The following PRKCZ variants were observed in gnomAD, a reference collection of about 807,000 sequenced individuals.
The protein encoded by PRKCZ is protein kinase C zeta.
In PRKCZ, 33 loss-of-function variants were observed where a neutral mutation model predicts 79.5. That is an observed-to-expected ratio of 0.41 (90% CI 0.31 to 0.55). The LOEUF (loss-of-function observed/expected upper bound fraction) is 0.55, where lower values mean the gene tolerates loss of function less well. Ranked by LOEUF, PRKCZ falls within the 20% of genes least tolerant of loss-of-function variation. PRKCZ has a pLI of 0.19. For synonymous variants in PRKCZ, 342 were observed against 320.9 expected, an observed-to-expected ratio of 1.07 and a Z score of -0.70; for missense variants, 578 against 813.5, an observed-to-expected ratio of 0.71 and a Z score of 3.52.
intron 4 of PRKCZ, among the ~76,000 whole-genome samples, chr1:2,089,970 G>T (rs1031969797): frequency 6.6e-6 from 1 of 152,156 alleles, no homozygotes; most frequent in African/African-American, 2.4e-5. Context: ...CGGCAGGGCT[G>T]GTTCCCGGAG....
Position 2,173,954 on chromosome 1 carries a change from G to A in PRKCZ, c.1343G>A (p.Arg448His), listed in dbSNP as rs761837545. 1.2e-5 allele frequency: 20 copies of A among 1,612,380 alleles called. No individual in the cohort carries two copies. Among genetic ancestry groups the A allele is most frequent in the East Asian group, 4.5e-5 (2 of 44,744 alleles). The change falls in exon 14 of 18, where the codon CGC becomes CAC. Residue 448 changes from arginine to histidine, a missense_variant. Arg to His is a conservative substitution (Grantham distance 29). Transcript: ENST00000378567. The surrounding 1 kb of genome is among the most constrained non-coding windows in gnomAD (Gnocchi z 5.7). Reference sequence around the variant, plus strand: ...CTCATGTTTGAGATGATGGCCGGGCGCTCCCCGTTCGACATCATCACCGAC... The same window carrying A: ...CTCATGTTTGAGATGATGGCCGGGCACTCCCCGTTCGACATCATCACCGAC... Reference protein sequence around the residue: ...GVLMFEMMAGRSPFDIITDNP... With the variant: ...GVLMFEMMAGHSPFDIITDNP...
chr1:2,073,615 C>T (rs1661833845), intron 4 of PRKCZ: 6 of 988,846 alleles, frequency 6.1e-6, no homozygotes, highest in South Asian at 4.7e-5. Context: ...TTTCCTGTGA[C>T]GTCAGCGTCA....
In PRKCZ at chr1:2,177,751, A is replaced by G. The variant is rs1572028028; in HGVS notation, c.1575+2438A>G. ...GGCCCTGGCTTCCCACCTGGGTCCC[A>G]CCACTGCAGAATCACCCCCGTGGCT... is the stretch of plus-strand genomic sequence containing the variant. On this transcript the variant is annotated intron_variant, in intron 16 of 17. Coordinates refer to ENST00000378567, the MANE Select transcript of PRKCZ (RefSeq NM_002744.6). This position sits in a 1 kb window ranked among gnomAD's most constrained non-coding sequence, Gnocchi z 6.4. 6.6e-6 allele frequency among the ~76,000 whole-genome samples: 1 copy of G among 152,186 alleles called. No individual in the cohort carries two copies. Among genetic ancestry groups the G allele is most frequent in the South Asian group, 2.1e-4 (1 of 4,810 alleles).
chr1:2,157,148 G>A (rs551957789), intron 10 of PRKCZ, among the ~76,000 whole-genome samples: 1 of 152,238 alleles, frequency 6.6e-6, no homozygotes, highest in South Asian at 2.1e-4. Context: ...GGTAGTCAGG[G>A]AAACGCAGCC....
rs1674409491 is a variant in PRKCZ, at chr1:2,128,740, C to T, written c.335-6522C>T. On this transcript the variant is annotated intron_variant, in intron 4 of 17. Coordinates refer to ENST00000378567, the MANE Select transcript of PRKCZ (RefSeq NM_002744.6). This position sits in a 1 kb window ranked among gnomAD's most constrained non-coding sequence, Gnocchi z 6.5. ...CCAAAGCCTGACCCGTGTGGCTGCA[C>T]CGTCCACTGTGCGCTGTCCACTGCA... Among the ~76,000 whole-genome samples the T allele has an allele frequency of 6.6e-6, 1 of 152,208 alleles. No homozygotes were observed. The highest frequency in any genetic ancestry group is 2.4e-5 in the African/African-American group (1 of 41,458).
At chr1:2,048,961 T>A (rs1659442701), upstream of PRKCZ, among the ~76,000 whole-genome samples, 2 of 151,728 alleles carry the variant, frequency 1.3e-5, no homozygotes, top group South Asian at 2.1e-4. Flanking sequence ...AGGTCAGGAG[T>A]TCGAGACCAG....
chr1:2,113,438 C>T (rs1331289714), intron 4 of PRKCZ, among the ~76,000 whole-genome samples: 1 of 152,042 alleles, frequency 6.6e-6, no homozygotes, highest in Non-Finnish European at 1.5e-5. Context: ...TGCCCGAGTT[C>T]GCTCCTGACC....
chr1:2,154,086 G>C (rs1260777135), intron 9 of PRKCZ, among the ~76,000 whole-genome samples: 1 of 152,190 alleles, frequency 6.6e-6, no homozygotes, highest in East Asian at 1.9e-4. Context: ...CGACGTCCCT[G>C]CGGGGCCACA....
rs573180183 is a variant in PRKCZ at position 2,144,475 on chromosome 1, G to T, written c.552+134G>T. 80 of 1,460,518 alleles carry T rather than the reference G, an allele frequency of 5.5e-5. No individual in the cohort carries two copies. The African/African-American group carries it at 1.0e-3, about 19-fold the overall frequency. The allele number at this position is 1,460,518 out of a possible 1,614,324, so 90.5% of individuals were successfully genotyped here. A position where few individuals can be genotyped will look rare whatever the true frequency, so the allele number is the denominator to read the frequency against. Reference sequence around the variant, plus strand: ...CGTGGTGCCGTCCTAGCTCTGGGCTGCAGCGTGAGACTCAGGCGGCAGTCT... The same window carrying T: ...CGTGGTGCCGTCCTAGCTCTGGGCTTCAGCGTGAGACTCAGGCGGCAGTCT... On this transcript the variant is annotated intron_variant, in intron 6 of 17. Coordinates refer to ENST00000378567, the MANE Select transcript of PRKCZ (RefSeq NM_002744.6).
chr1:2,156,851 C>G (rs1681152600), intron 10 of PRKCZ: 1 of 152,326 alleles, frequency 6.6e-6, no homozygotes, highest in Non-Finnish European at 1.5e-5. Flanking sequence ...TTCCAGACTC[C>G]CAGTGGAGAG....
chr1:2,164,532 G>A (rs1333183387), intron 10 of PRKCZ, among the ~76,000 whole-genome samples: 1 of 152,176 alleles, frequency 6.6e-6, no homozygotes, highest in Non-Finnish European at 1.5e-5. Flanking sequence ...TCGAGGAATG[G>A]GGGATGTGGA....
chr1:2,054,478 C>T (rs370415790), intron 1 of PRKCZ, among the ~76,000 whole-genome samples: 2 of 151,928 alleles, frequency 1.3e-5, no homozygotes, highest in South Asian at 2.1e-4. Flanking sequence ...TCAAAGGGTG[C>T]CTGGGAGTCC....
intron 4 of PRKCZ, among the ~76,000 whole-genome samples, chr1:2,126,836 C>G (rs572508551): frequency 1.3e-5 from 2 of 152,218 alleles, no homozygotes; most frequent in African/African-American, 4.8e-5. Context: ...GGCAGGGACA[C>G]GGCCGCCCAT....
chr1:2,054,691 T>A (rs1659992258), intron 1 of PRKCZ, among the ~76,000 whole-genome samples: 1 of 152,164 alleles, frequency 6.6e-6, no homozygotes, highest in Non-Finnish European at 1.5e-5. Context: ...ACTTCACCGC[T>A]GGCACCGTCG....
chr1:2,101,773 C>T (rs1667477440), intron 4 of PRKCZ, among the ~76,000 whole-genome samples: 2 of 152,196 alleles, frequency 1.3e-5, no homozygotes, highest in African/African-American at 4.8e-5. Context: ...TGAGTAGACA[C>T]AGTGCTCCAC....
At chr1:2,074,265 G>T (rs1488475196) in intron 4 of PRKCZ, 1 of 1,549,782 alleles carries the variant, frequency 6.5e-7, no homozygotes, top group Non-Finnish European at 8.7e-7. Flanking sequence ...TGCTCACCCC[G>T]AGGACGGATG....
chr1:2,078,326 T>C (rs1450212574), intron 4 of PRKCZ, among the ~76,000 whole-genome samples: 1 of 152,244 alleles, frequency 6.6e-6, no homozygotes, highest in Non-Finnish European at 1.5e-5. Flanking sequence ...AGCCACACAC[T>C]TAAGGATAGT....
chr1:2,078,349 G>A (rs566126648), intron 4 of PRKCZ, among the ~76,000 whole-genome samples: 9 of 152,366 alleles, frequency 5.9e-5, no homozygotes, highest in African/African-American at 1.7e-4. Context: ...AGCTAGGTAT[G>A]AAATTCTGTA....
rs187321599 is a variant in PRKCZ, at chr1:2,076,017, T to G, written c.334+16426T>G. 2.4e-4 allele frequency among the ~76,000 whole-genome samples: 37 copies of G among 152,250 alleles called. No homozygotes were observed. In the East Asian group the frequency reaches 6.8e-3, roughly 28 times the overall value. ...CCAACCTCTGCTGAGGATCCCAAAA[T>G]GTGGGGTAGCCATCCTTTCTTGTGC... On this transcript the variant is annotated intron_variant, in intron 4 of 17. Coordinates refer to ENST00000378567, the MANE Select transcript of PRKCZ (RefSeq NM_002744.6).
Sources: allele counts gnomAD v4.1 joint callset (sites outside exome capture counted in the v4.1 genomes callset), GRCh38; gene constraint gnomAD v4.1.1; non-coding constraint Gnocchi (gnomAD v3.1); transcripts MANE v1.5; gene names NCBI Gene and HGNC (gene_info 2026-07-23, HGNC 2026-07-21).